GALNT7: variants seen among roughly 807,000 people sequenced by gnomAD.
GALNT7 encodes N-acetylgalactosaminyltransferase 7.
Under a neutral mutation model 82.1 loss-of-function variants are expected in GALNT7, and 60 were observed. That is an observed-to-expected ratio of 0.73 (90% confidence interval 0.59 to 0.91). GALNT7 has a LOEUF of 0.91. Ranked by LOEUF, GALNT7 falls within the 40% of genes least tolerant of loss-of-function variation. The pLI is 0.00. For missense variants in GALNT7, 660 were observed against 804.2 expected (o/e 0.82, Z 2.17); for synonymous variants, 243 against 275.1 (o/e 0.88, Z 1.15).
intron 2 of GALNT7, chr4:173,282,370 G>T (rs537569648): frequency 6.6e-6 from 1 of 152,202 alleles, no homozygotes; most frequent in Non-Finnish European, 1.5e-5. Flanking sequence ...TTTTCTGGAC[G>T]CTGTCTGCTT....
chr4:173,304,604 A>T (rs961303645), intron 8 of GALNT7, among the ~76,000 whole-genome samples: 2 of 152,024 alleles, frequency 1.3e-5, no homozygotes, highest in African/African-American at 4.8e-5. Context: ...GTAATATATT[A>T]TAAATTGTAG....
At chr4:173,307,359 G>A (rs2126857090) in intron 8 of GALNT7, among the ~76,000 whole-genome samples, 1 of 152,318 alleles carries the variant, frequency 6.6e-6, no homozygotes, top group Middle Eastern at 3.4e-3. Flanking sequence ...CTACTGTATT[G>A]ATAACAGAAT....
At chr4:173,317,328 C>G (rs1353881308) in intron 9 of GALNT7, 5 of 253,208 alleles carry the variant, frequency 2.0e-5, no homozygotes, top group African/African-American at 9.3e-5. Context: ...ATTTGCTTCT[C>G]ATTCACATGA....
At chr4:173,275,292 T>C (rs1010393644) in intron 2 of GALNT7, among the ~76,000 whole-genome samples, 7 of 152,216 alleles carry the variant, frequency 4.6e-5, no homozygotes, top group Non-Finnish European at 8.8e-5. Flanking sequence ...AAGAAGCCTC[T>C]GGCTTCCTTC....
chr4:173,314,496 G>A (rs1056361966), intron 9 of GALNT7, among the ~76,000 whole-genome samples: 1 of 152,062 alleles, frequency 6.6e-6, no homozygotes, highest in African/African-American at 2.4e-5. Flanking sequence ...TCTCAACTTA[G>A]AGATCACCAA....
At chr4:173,301,735 T>C (rs1736945296) in intron 6 of GALNT7, among the ~76,000 whole-genome samples, 1 of 152,230 alleles carries the variant, frequency 6.6e-6, no homozygotes. Context: ...GAGAAAATTC[T>C]ATTTTAACTA....
intron 2 of GALNT7, among the ~76,000 whole-genome samples, chr4:173,254,111 A>G (rs548681752): frequency 6.6e-6 from 1 of 152,354 alleles, no homozygotes; most frequent in East Asian, 1.9e-4. Context: ...CTTAGTTGCA[A>G]TTACAAAGTG....
chr4:173,205,376 G>A (rs1370318591), intron 1 of GALNT7, among the ~76,000 whole-genome samples: 1 of 152,028 alleles, frequency 6.6e-6, no homozygotes, highest in Non-Finnish European at 1.5e-5. Context: ...TGCAGGGTTG[G>A]TCCTGGAGCC....
In GALNT7 at chr4:173,248,391, A is replaced by G; in HGVS notation, c.538A>G (p.Ser180Gly). The change falls in exon 2 of 12, where the codon AGT becomes GGT. Residue 180 changes from serine (S) to glycine (G), a missense_variant. This residue lies in a region of GALNT7 where 527 missense variants were observed against 683.5 expected (regional missense o/e 0.77). Transcript: ENST00000265000. ...IKEFGFNMVA[S>G]DMISLDRSVN... is the part of the protein sequence containing the mutation. The stretch of plus-strand genomic sequence containing the variant: ...AGAGTTTGGATTTAACATGGTGGCA[A>G]GTGACATGATCTCACTGGACCGCAG... 6.2e-6 allele frequency: 10 copies of G among 1,613,524 alleles called. No individual in the cohort carries two copies. Among genetic ancestry groups the G allele is most frequent in the Non-Finnish European group, 8.5e-6 (10 of 1,179,686 alleles).
At chr4:173,183,974 G>A (rs188167244) in intron 1 of GALNT7, among the ~76,000 whole-genome samples, 1 of 151,818 alleles carries the variant, frequency 6.6e-6, no homozygotes, top group Non-Finnish European at 1.5e-5. Context: ...TCGCGGCCGG[G>A]CAGAGGCGCT....
intron 6 of GALNT7, among the ~76,000 whole-genome samples, chr4:173,300,305 T>C (rs546137754): frequency 6.6e-6 from 1 of 152,190 alleles, no homozygotes; most frequent in South Asian, 2.1e-4. Flanking sequence ...ATTGTGCCAC[T>C]GTACTGCAGC....
chr4:173,240,770 T>C (rs891822507), intron 1 of GALNT7, among the ~76,000 whole-genome samples: 1 of 152,148 alleles, frequency 6.6e-6, no homozygotes, highest in Admixed American at 6.6e-5. Flanking sequence ...TTGAAATAAA[T>C]CTGGTGGGAA....
chr4:173,186,975 C>A (rs1231871624), intron 1 of GALNT7, among the ~76,000 whole-genome samples: 1 of 151,982 alleles, frequency 6.6e-6, no homozygotes, highest in East Asian at 1.9e-4. Flanking sequence ...CCAGGATGGT[C>A]TCGATCTCCT....
intron 2 of GALNT7, among the ~76,000 whole-genome samples, chr4:173,264,004 C>A (rs1042960884): frequency 6.6e-6 from 1 of 152,124 alleles, no homozygotes; most frequent in Non-Finnish European, 1.5e-5. Flanking sequence ...CCCCCTTTAG[C>A]AAGTTACTTT....
rs746399267 is a variant in GALNT7 at position 173,321,733 on chromosome 4, C to T, written c.*16C>T. On this transcript the variant is annotated 3_prime_UTR_variant, in exon 12 of 12. Coordinates refer to ENST00000265000, the MANE Select transcript of GALNT7 (RefSeq NM_017423.3). The stretch of plus-strand genomic sequence containing the variant: ...TAGTGTTTAGAGAGAAAAAAATAAA[C>T]CAATAACCTACCTACTGACAAGTAA... 1 of 1,576,944 alleles carries T rather than the reference C, an allele frequency of 6.3e-7. No individual in the cohort carries two copies. Among genetic ancestry groups the T allele is most frequent in the Admixed American group, 1.7e-5 (1 of 59,270 alleles).
chr4:173,295,835 T>A lies in GALNT7; in HGVS notation c.957T>A (p.Ser319=), dbSNP rs138423155. ...NWYAPLVAPI[S]KDRTICTVPL... ...ATGCACCACTTGTAGCTCCCATATC[T>A]AAGGACAGGTAACATTACCTTGCTT... is the stretch of plus-strand genomic sequence containing the variant. The change falls in exon 5 of 12, where the codon TCT becomes TCA. Residue 319 remains serine, a synonymous_variant. Coordinates refer to ENST00000265000, the MANE Select transcript of GALNT7 (RefSeq NM_017423.3). The A allele has an allele frequency of 6.3e-7, 1 of 1,577,722 alleles. No individual in the cohort carries two copies. The highest frequency in any genetic ancestry group is 8.7e-7 in the Non-Finnish European group (1 of 1,146,824).
At chr4:173,185,350 T>C (rs1157566873) in intron 1 of GALNT7, among the ~76,000 whole-genome samples, 1 of 151,262 alleles carries the variant, frequency 6.6e-6, no homozygotes, top group Non-Finnish European at 1.5e-5. Context: ...TGTGGAATCT[T>C]GAAAGGACAG....
At chr4:173,232,669 CAA>C (rs1189428312) in intron 1 of GALNT7, among the ~76,000 whole-genome samples, 2 of 152,254 alleles carry the variant, frequency 1.3e-5, no homozygotes, top group East Asian at 3.9e-4. Flanking sequence ...CTCCTACCCT[CAA>C]GAGATCCTCC....
At chr4:173,240,848 C>A (rs912892293) in intron 1 of GALNT7, among the ~76,000 whole-genome samples, 3 of 152,094 alleles carry the variant, frequency 2.0e-5, no homozygotes, top group African/African-American at 4.8e-5. Context: ...CAAAGTTTTT[C>A]ACATTGAGAT....
Sources: gnomAD v4.1 joint callset for allele counts (sites outside exome capture counted in the v4.1 genomes callset) on GRCh38, gnomAD v4.1.1 for gene constraint, gnomAD v4.1.1 regional missense constraint, MANE v1.5 for transcripts, NCBI Gene and HGNC (gene_info 2026-07-23, HGNC 2026-07-21) for gene names.